KCNG3: variants seen among roughly 807,000 people sequenced by gnomAD.
KCNG3 encodes potassium voltage-gated channel modifier subfamily G member 3.
KCNG3 carries 15 observed loss-of-function variants against 29.0 expected under a neutral mutation model. That is an observed-to-expected ratio of 0.52 (90% CI 0.35 to 0.80). The LOEUF (loss-of-function observed/expected upper bound fraction) is 0.80, where lower values mean the gene tolerates loss of function less well. KCNG3 is among the 30% of genes least tolerant of loss of function. KCNG3 has a pLI of 0.01. For synonymous variants in KCNG3, 322 were observed against 248.9 expected (o/e 1.29, Z -2.76); for missense variants, 512 against 605.7 (o/e 0.85, Z 1.62).
At chr2:42,461,322 G>C (rs1486069370) in intron 1 of KCNG3, among the ~76,000 whole-genome samples, 5 of 151,554 alleles carry the variant, frequency 3.3e-5, no homozygotes, top group Non-Finnish European at 7.4e-5. Flanking sequence ...CCTTAGCTCT[G>C]AACTGGCTCC....
intron 1 of KCNG3, among the ~76,000 whole-genome samples, chr2:42,477,223 T>TA (rs1673450071): frequency 6.7e-6 from 1 of 148,446 alleles, no homozygotes; most frequent in East Asian, 2.0e-4. Flanking sequence ...AAGTACTGAT[T>TA]AAAAAAAAAT....
intron 1 of KCNG3, among the ~76,000 whole-genome samples, chr2:42,451,387 G>A (rs1672750812): frequency 1.3e-5 from 2 of 151,824 alleles, no homozygotes; most frequent in African/African-American, 4.8e-5. Context: ...AGACCAGCCT[G>A]GGCAACAAAG....
chr2:42,459,745 G>A (rs970239433), intron 1 of KCNG3, among the ~76,000 whole-genome samples: 3 of 152,194 alleles, frequency 2.0e-5, no homozygotes, highest in Non-Finnish European at 4.4e-5. Flanking sequence ...GGGAGGTCAA[G>A]GCGGGTGGAT....
At chr2:42,419,619 G>C in the KCNG3 span, among the ~76,000 whole-genome samples, 1 of 152,116 alleles carries the variant, frequency 6.6e-6, no homozygotes, top group African/African-American at 2.4e-5. Flanking sequence ...TGAATCAAAG[G>C]TTTGCTAAAC....
chr2:42,463,243 G>A lies in KCNG3; in HGVS notation c.666-18664C>T, dbSNP rs531135323. On this transcript the variant is annotated intron_variant, in intron 1 of 1. Transcript: ENST00000306078. ...AGCTTGATACTTGGCTTTACGGTCTGAGTGTACCCTAAACCTATCAGGCTA... is the reference window on the plus strand; with the variant it reads ...AGCTTGATACTTGGCTTTACGGTCTAAGTGTACCCTAAACCTATCAGGCTA... The A allele has an allele frequency of 1.5e-5, 5 of 323,930 alleles. No individual in the cohort carries two copies. In the East Asian group the frequency reaches 4.3e-4, roughly 28 times the overall value. 20.1% of individuals were successfully genotyped at this position (323,930 alleles called of 1,614,324 possible).
At chr2:42,485,423 C>T (rs1454219792) in intron 1 of KCNG3, among the ~76,000 whole-genome samples, 3 of 151,214 alleles carry the variant, frequency 2.0e-5, no homozygotes, top group Non-Finnish European at 4.4e-5. Context: ...GAAGTCACAA[C>T]TTCTCAAATG....
At chr2:42,406,163 G>A in the KCNG3 span, among the ~76,000 whole-genome samples, 1 of 152,016 alleles carries the variant, frequency 6.6e-6, no homozygotes, top group Non-Finnish European at 1.5e-5. Context: ...ATTTTACAGG[G>A]TTTCATTGTC....
rs915642561 is a variant in KCNG3, at chr2:42,442,636, A to G, written c.*1298T>C. The G allele has an allele frequency of 1.3e-5, 2 of 152,192 alleles. No individual in the cohort carries two copies. The highest frequency in any genetic ancestry group is 2.9e-5 in the Non-Finnish European group (2 of 68,032). 9.4% of individuals were successfully genotyped at this position (152,192 alleles called of 1,614,324 possible). A position where few individuals can be genotyped will look rare whatever the true frequency, so the allele number is the denominator to read the frequency against. Reference sequence around the variant, plus strand: ...GTGTACAACATTCAATTTTTTATGAATCTGTCACTAATTATTTGTGTTTAT... The same window carrying G: ...GTGTACAACATTCAATTTTTTATGAGTCTGTCACTAATTATTTGTGTTTAT... On this transcript the variant is annotated 3_prime_UTR_variant, in exon 2 of 2. Coordinates refer to ENST00000306078, the MANE Select transcript of KCNG3 (RefSeq NM_133329.6).
the KCNG3 span, among the ~76,000 whole-genome samples, chr2:42,417,929 G>A: frequency 6.6e-6 from 1 of 151,562 alleles, no homozygotes; most frequent in Non-Finnish European, 1.5e-5. Flanking sequence ...CTGAGATCGC[G>A]CCACTGCACT....
At chr2:42,475,048 G>C (rs1673388643) in intron 1 of KCNG3, among the ~76,000 whole-genome samples, 2 of 152,124 alleles carry the variant, frequency 1.3e-5, no homozygotes, top group Non-Finnish European at 2.9e-5. Context: ...CAGTATATTT[G>C]CTGAACAAAC....
intron 1 of KCNG3, among the ~76,000 whole-genome samples, chr2:42,461,187 A>AAAAC (rs1558379701): frequency 8.2e-4 from 36 of 43,972 alleles, no homozygotes; most frequent in Middle Eastern, 0.028. Flanking sequence ...CAAAACAAAA[A>AAAAC]AAAAAAAAAA....
the KCNG3 span, among the ~76,000 whole-genome samples, chr2:42,406,219 CATTA>C: frequency 6.6e-6 from 1 of 151,798 alleles, no homozygotes; most frequent in Non-Finnish European, 1.5e-5. Context: ...TTTTTTAACA[CATTA>C]ATTTTTTTTT....
chr2:42,489,964 A>C (rs1673830719), intron 1 of KCNG3, among the ~76,000 whole-genome samples: 1 of 152,116 alleles, frequency 6.6e-6, no homozygotes, highest in Non-Finnish European at 1.5e-5. Flanking sequence ...TCCTGTGTAC[A>C]ATCTTCCCTC....
intron 1 of KCNG3, among the ~76,000 whole-genome samples, chr2:42,473,949 C>A (rs1232317908): frequency 6.6e-6 from 1 of 151,984 alleles, no homozygotes; most frequent in African/African-American, 2.4e-5. Flanking sequence ...GCCAGGAGTT[C>A]GAGACCAGCC....
At chr2:42,408,762 A>C in the KCNG3 span, among the ~76,000 whole-genome samples, 3 of 152,202 alleles carry the variant, frequency 2.0e-5, no homozygotes, top group Non-Finnish European at 4.4e-5. Context: ...TGAGGTTAAA[A>C]GAGCTGTAAC....
At chr2:42,481,468 T>C (rs1572863458) in intron 1 of KCNG3, among the ~76,000 whole-genome samples, 1 of 152,102 alleles carries the variant, frequency 6.6e-6, no homozygotes, top group Non-Finnish European at 1.5e-5. Flanking sequence ...GGCTCCACCC[T>C]TGCAGGACCC....
At chr2:42,477,976 G>C (rs935132427) in intron 1 of KCNG3, among the ~76,000 whole-genome samples, 2 of 152,054 alleles carry the variant, frequency 1.3e-5, no homozygotes, top group East Asian at 3.9e-4. Context: ...TTCTGGATGA[G>C]TGAGAGGAGT....
the KCNG3 span, among the ~76,000 whole-genome samples, chr2:42,414,327 A>G: frequency 6.6e-6 from 1 of 152,132 alleles, no homozygotes; most frequent in South Asian, 2.1e-4. Flanking sequence ...CTGACAGTTT[A>G]GCTGGGTATG....
chr2:42,432,866 TACA>T, the KCNG3 span, among the ~76,000 whole-genome samples: 2 of 150,004 alleles, frequency 1.3e-5, no homozygotes, highest in African/African-American at 2.5e-5. Context: ...ATATAGACAG[TACA>T]ACAACTTAAC....
Sources: gnomAD v4.1 joint callset for allele counts (sites outside exome capture counted in the v4.1 genomes callset) on GRCh38, gnomAD v4.1.1 for gene constraint, MANE v1.5 for transcripts, NCBI Gene and HGNC (gene_info 2026-07-23, HGNC 2026-07-21) for gene names.